Variants in OSER1 observed in about 807,000 individuals in gnomAD.
OSER1 encodes oxidative stress-responsive serine-rich protein 1.
Under a neutral mutation model 26.3 loss-of-function variants are expected in OSER1, and 15 were observed. The observed-to-expected ratio is 0.57, with a 90% CI of 0.38 to 0.88. The LOEUF (loss-of-function observed/expected upper bound fraction) is 0.88. Ranked by LOEUF, OSER1 falls within the 40% of genes least tolerant of loss-of-function variation. The probability of loss-of-function intolerance (pLI) is 0.00; values close to 1 mark genes in which losing one functional copy is unlikely to be tolerated. For missense variants in OSER1, 313 were observed against 353.9 expected, an observed-to-expected ratio of 0.88 and a Z score of 0.93; for synonymous variants, 127 against 128.2, an observed-to-expected ratio of 0.99 and a Z score of 0.07.
At position 44,197,523 on chromosome 20, in the gene OSER1, A is replaced by G. The variant is rs1190678636; in HGVS notation, c.408T>C (p.Thr136=). The stretch of plus-strand genomic sequence containing the variant: ...CCCCTGTGTGATTAGCATCGAGAGA[A>G]GTAGAGCTTTCTCCTGCACTGAACT... ...PKEFSAGESS[T]SLDANHTGAV... Residue 136 remains threonine, a synonymous_variant, in exon 4 of 4, where the codon ACT becomes ACC. Coordinates refer to ENST00000255174, the MANE Select transcript of OSER1 (RefSeq NM_016470.8). The G allele has an allele frequency of 1.2e-6, 2 of 1,614,122 alleles. No individual in the cohort carries two copies. Among genetic ancestry groups the G allele is most frequent in the South Asian group, 1.1e-5 (1 of 91,076 alleles).
chr20:44,204,349 T>A (rs926396457), intron 2 of OSER1, among the ~76,000 whole-genome samples: 12 of 152,252 alleles, frequency 7.9e-5, no homozygotes, highest in Admixed American at 2.6e-4. Flanking sequence ...AACTAGAATG[T>A]ATGATACACT....
chr20:44,199,271 C>T (rs1317117607), intron 3 of OSER1, among the ~76,000 whole-genome samples: 1 of 152,112 alleles, frequency 6.6e-6, no homozygotes, highest in Non-Finnish European at 1.5e-5. Context: ...AATCCATCCA[C>T]AGATTAATGA....
At chr20:44,199,457 C>T (rs74891188) in intron 3 of OSER1, among the ~76,000 whole-genome samples, 2,030 of 152,080 alleles carry the variant, frequency 0.013, 43 homozygotes, top group African/African-American at 0.047. Flanking sequence ...CCCAGCCTCC[C>T]GAAATGTAAG....
At chr20:44,210,469 G>A (rs2073091862) in intron 1 of OSER1, among the ~76,000 whole-genome samples, 1 of 152,248 alleles carries the variant, frequency 6.6e-6, no homozygotes, top group Admixed American at 6.5e-5. Context: ...ACCGCGGGAG[G>A]ACGGGAAGGC....
chr20:44,199,970 G>A (rs190133100), intron 3 of OSER1, among the ~76,000 whole-genome samples: 4 of 152,330 alleles, frequency 2.6e-5, no homozygotes, highest in African/African-American at 9.6e-5. Context: ...CAGCCTGTGG[G>A]TCAGATCTGG....
At chr20:44,207,087 T>G in intron 1 of OSER1, 89 bp from the exon 2 acceptor site, 1 of 613,684 alleles carries the variant, frequency 1.6e-6, no homozygotes, top group Non-Finnish European at 2.9e-6. Flanking sequence ...AAAAGCAAAT[T>G]TTTATTTCAA....
intron 1 of OSER1, 70 bp downstream of exon 1, chr20:44,210,626 C>G (rs1001807831): frequency 6.6e-6 from 1 of 152,538 alleles, no homozygotes; most frequent in Non-Finnish European, 1.5e-5. Flanking sequence ...GAAAACCGCC[C>G]GCGGCCAGAC....
In OSER1 at chr20:44,205,939, C is replaced by CAA. The variant is rs3037684; in HGVS notation, c.77+940_77+941dup. ...TGGGCGACAGGGCCAGAATCCGTCTCAAAAAAAAAAAAAAAAAAAAAAAAG... is the reference window on the plus strand; with the variant it reads ...TGGGCGACAGGGCCAGAATCCGTCTCAAAAAAAAAAAAAAAAAAAAAAAAAAG... On this transcript the variant is annotated intron_variant, in intron 2 of 3. Transcript: ENST00000255174. 4.4e-3 allele frequency among the ~76,000 whole-genome samples: 312 copies of CAA among 70,668 alleles called. 1 individual carries two copies. Among genetic ancestry groups the CAA allele is most frequent in the Middle Eastern group, 7.6e-3 (1 of 132 alleles). The allele number at this position is 70,668 out of a possible 152,430, so 46.4% of individuals were successfully genotyped here.
intron 2 of OSER1, among the ~76,000 whole-genome samples, chr20:44,206,585 C>T (rs1418121217): frequency 1.3e-5 from 2 of 152,134 alleles, no homozygotes; most frequent in African/African-American, 4.8e-5. Flanking sequence ...AGTGGGACAC[C>T]GCTTGATAAT....
upstream of OSER1, among the ~76,000 whole-genome samples, chr20:44,211,541 A>G (rs185816504): frequency 1.4e-4 from 22 of 152,326 alleles, no homozygotes; most frequent in Non-Finnish European, 2.4e-4. Context: ...TTTCAGGCGT[A>G]GACTCCTTTG....
intron 3 of OSER1, 141 bp from the exon 4 acceptor site, chr20:44,197,880 T>G: frequency 1.7e-6 from 1 of 603,200 alleles, no homozygotes; most frequent in Non-Finnish European, 2.9e-6. Context: ...TGCACCTTCC[T>G]CCATTTTCAT....
intron 2 of OSER1, among the ~76,000 whole-genome samples, chr20:44,206,428 A>AG (rs1232355884): frequency 6.6e-6 from 1 of 152,240 alleles, no homozygotes; most frequent in East Asian, 1.9e-4. Context: ...TCTCAGTGAC[A>AG]GAACCCTCCT....
chr20:44,199,313 A>T (rs750877758), intron 3 of OSER1, among the ~76,000 whole-genome samples: 5 of 152,214 alleles, frequency 3.3e-5, no homozygotes, highest in Non-Finnish European at 7.3e-5. Flanking sequence ...AGGGATAGTT[A>T]TCACAAGAAC....
chr20:44,199,458 G>A (rs551823208), intron 3 of OSER1, among the ~76,000 whole-genome samples: 1 of 152,202 alleles, frequency 6.6e-6, no homozygotes, highest in East Asian at 1.9e-4. Context: ...CCAGCCTCCC[G>A]AAATGTAAGA....
intron 3 of OSER1, among the ~76,000 whole-genome samples, chr20:44,202,456 A>G (rs111317560): frequency 0.016 from 2,475 of 152,314 alleles, 26 homozygotes; most frequent in African/African-American, 0.037. Context: ...AAAAGCCATT[A>G]TGAGGGATTA....
intron 1 of OSER1, among the ~76,000 whole-genome samples, chr20:44,208,822 G>C (rs1036810365): frequency 2.0e-5 from 3 of 152,120 alleles, no homozygotes; most frequent in African/African-American, 7.2e-5. Flanking sequence ...TAAATCATCT[G>C]AGCCAATCTC....
intron 3 of OSER1, among the ~76,000 whole-genome samples, chr20:44,198,479 C>T (rs1269733928): frequency 2.0e-5 from 3 of 152,034 alleles, no homozygotes; most frequent in African/African-American, 4.8e-5. Flanking sequence ...ATTAGCCGGG[C>T]GTGGTGGTGG....
chr20:44,198,749 C>T (rs911737032), intron 3 of OSER1, among the ~76,000 whole-genome samples: 1 of 152,168 alleles, frequency 6.6e-6, no homozygotes, highest in Non-Finnish European at 1.5e-5. Flanking sequence ...CTAAACAGAA[C>T]ACAGTAATCC....
At chr20:44,210,784 A>C (rs1360297014), upstream of OSER1, 1 of 152,530 alleles carries the variant, frequency 6.6e-6, no homozygotes, top group South Asian at 2.1e-4. Context: ...CCCGGATCCA[A>C]ACCAGCCAAG....
Sources: gnomAD v4.1 joint callset for allele counts (sites outside exome capture counted in the v4.1 genomes callset) on GRCh38, gnomAD v4.1.1 for gene constraint, MANE v1.5 for transcripts, NCBI Gene and HGNC (gene_info 2026-07-23, HGNC 2026-07-21) for gene names.